Variants in CLTCL1 observed in about 807,000 individuals in gnomAD.
The protein encoded by CLTCL1 is clathrin heavy chain like 1, also known as clathrin heavy chain 2.
In CLTCL1, 159 loss-of-function variants were observed where a neutral mutation model predicts 190.0. The ratio of observed to expected loss-of-function variants is 0.84; its 90% CI spans 0.74 to 0.95. CLTCL1 has a LOEUF of 0.95. CLTCL1 is among the 40% of genes least tolerant of loss of function. The probability of loss-of-function intolerance (pLI) is 0.00; values close to 1 mark genes in which losing one functional copy is unlikely to be tolerated. For synonymous variants in CLTCL1, 752 were observed against 769.6 expected (o/e 0.98, Z 0.38); for missense variants, 1,878 against 2,033.4 (o/e 0.92, Z 1.47).
chr22:19,269,399 A>T (rs1384663092), intron 2 of CLTCL1, among the ~76,000 whole-genome samples: 1 of 152,206 alleles, frequency 6.6e-6, no homozygotes, highest in East Asian at 1.9e-4. Context: ...GTGAGACTCC[A>T]TCTGAAAAAA....
At chr22:19,189,438 A>G (rs1327406523) in intron 27 of CLTCL1, among the ~76,000 whole-genome samples, 1 of 152,220 alleles carries the variant, frequency 6.6e-6, no homozygotes, top group Non-Finnish European at 1.5e-5. Context: ...TTTATGCACT[A>G]TTCTAAATCC....
chr22:19,261,283 T>G (rs2086941837), intron 2 of CLTCL1, among the ~76,000 whole-genome samples: 1 of 152,120 alleles, frequency 6.6e-6, no homozygotes. Flanking sequence ...GCTAATGTCT[T>G]GTATTTTTAA....
At chr22:19,180,984 A>C in intron 30 of CLTCL1, 178 bp from the exon 31 acceptor site, 5 of 607,108 alleles carry the variant, frequency 8.2e-6, no homozygotes, top group Non-Finnish European at 1.5e-5. Context: ...GAATGCAGCA[A>C]GGCATGGAGA....
chr22:19,272,088 G>A (rs1404276502), intron 2 of CLTCL1, among the ~76,000 whole-genome samples: 4 of 152,188 alleles, frequency 2.6e-5, no homozygotes, highest in African/African-American at 4.8e-5. Context: ...CTGCCTGGAT[G>A]ACAGAGAGAG....
At chr22:19,257,210 G>C (rs1349330745) in intron 2 of CLTCL1, among the ~76,000 whole-genome samples, 1 of 152,150 alleles carries the variant, frequency 6.6e-6, no homozygotes, top group South Asian at 2.1e-4. Context: ...CAAAGTTAAA[G>C]TAAGCAAATG....
At chr22:19,180,319 A>C (rs973472074) in intron 31 of CLTCL1, 81 bp from the exon 32 acceptor site, 1 of 1,418,182 alleles carries the variant, frequency 7.1e-7, no homozygotes, top group Non-Finnish European at 9.9e-7. Flanking sequence ...CTGCACACTC[A>C]CACCACACCC....
chr22:19,216,095 C>A lies in CLTCL1; in HGVS notation c.3065+16G>T. On this transcript the variant is annotated intron_variant, in intron 19 of 32. Coordinates refer to ENST00000427926, the MANE Select transcript of CLTCL1 (RefSeq NM_007098.4). ...GAATCTGCCTGTGTCCACAGCTACC[C>A]CTGGCATAGCCTCACCTGTGCTCGC... 6.2e-7 allele frequency: 1 copy of A among 1,612,170 alleles called. No homozygotes were observed. The highest frequency in any genetic ancestry group is 8.5e-7 in the Non-Finnish European group (1 of 1,178,850).
At chr22:19,183,364 G>A (rs1342983523) in intron 30 of CLTCL1, 26 bp downstream of exon 30, 1 of 1,597,448 alleles carries the variant, frequency 6.3e-7, no homozygotes, top group Non-Finnish European at 8.6e-7. Context: ...CAGGGGCCGG[G>A]GAGCTGCAGC....
At chr22:19,202,783 T>A (rs1275849329) in intron 22 of CLTCL1, among the ~76,000 whole-genome samples, 2 of 152,192 alleles carry the variant, frequency 1.3e-5, no homozygotes, top group South Asian at 2.1e-4. Context: ...TTCCTCAAGC[T>A]GAGTATTTGG....
intron 5 of CLTCL1, among the ~76,000 whole-genome samples, chr22:19,236,452 C>T (rs962681562): frequency 1.3e-5 from 2 of 152,152 alleles, no homozygotes; most frequent in Non-Finnish European, 2.9e-5. Context: ...TTGCCAAATG[C>T]TATTAACTTT....
intron 1 of CLTCL1, among the ~76,000 whole-genome samples, chr22:19,276,453 T>C (rs2087506928): frequency 6.6e-6 from 1 of 152,196 alleles, no homozygotes; most frequent in South Asian, 2.1e-4. Flanking sequence ...CTGCTACTAC[T>C]GTGTAAACTG....
chr22:19,250,134 G>A (rs1178918722), intron 3 of CLTCL1, among the ~76,000 whole-genome samples: 1 of 151,808 alleles, frequency 6.6e-6, no homozygotes, highest in Non-Finnish European at 1.5e-5. Flanking sequence ...CACACCTGTA[G>A]TCCCAGCTAC....
At chr22:19,192,499 G>T (rs1213853341) in intron 26 of CLTCL1, among the ~76,000 whole-genome samples, 1 of 152,176 alleles carries the variant, frequency 6.6e-6, no homozygotes, top group Non-Finnish European at 1.5e-5. Flanking sequence ...CGTGAGTGTG[G>T]GGGTCCCGGG....
chr22:19,242,706 A>G, intron 4 of CLTCL1, 69 bp downstream of exon 4: 1 of 1,559,828 alleles, frequency 6.4e-7, no homozygotes, highest in Non-Finnish European at 8.8e-7. Context: ...GCCCAGCCAC[A>G]CACACGCACA....
intron 1 of CLTCL1, among the ~76,000 whole-genome samples, chr22:19,290,127 A>G (rs1162795922): frequency 6.6e-6 from 1 of 152,218 alleles, no homozygotes; most frequent in African/African-American, 2.4e-5. Flanking sequence ...CCTGATGGAC[A>G]TTAGAAACTC....
chr22:19,272,901 C>T (rs2087370309), intron 2 of CLTCL1, among the ~76,000 whole-genome samples: 2 of 152,172 alleles, frequency 1.3e-5, no homozygotes, highest in South Asian at 4.1e-4. Flanking sequence ...GCCTTGGCCT[C>T]CCAAAGCACT....
chr22:19,217,853 G>GAAAAAA, intron 18 of CLTCL1, among the ~76,000 whole-genome samples: 1 of 81,402 alleles, frequency 1.2e-5, no homozygotes, highest in Admixed American at 1.3e-4. Context: ...CTCAAAAAGA[G>GAAAAAA]AAAAAAAAAA....
Position 19,239,270 on chromosome 22 carries a change from C to G in CLTCL1, c.795+5G>C. ...GAAGATGTTTAGAGAGCAGCACATT[C>G]GTACCTGCATAGCCACTGGAAAATC... On this transcript the variant is annotated splice_donor_5th_base_variant and intron_variant, in intron 5 of 32. Transcript: ENST00000427926. 6.3e-7 allele frequency: 1 copy of G among 1,593,160 alleles called. No individual in the cohort carries two copies. Among genetic ancestry groups the G allele is most frequent in the Non-Finnish European group, 8.6e-7 (1 of 1,160,910 alleles).
intron 18 of CLTCL1, among the ~76,000 whole-genome samples, chr22:19,218,829 A>G (rs2145734868): frequency 6.6e-6 from 1 of 152,336 alleles, no homozygotes; most frequent in Non-Finnish European, 1.5e-5. Context: ...GGCCATACCC[A>G]ATAATGACCC....
Sources: gnomAD v4.1 joint callset for allele counts (sites outside exome capture counted in the v4.1 genomes callset) on GRCh38, gnomAD v4.1.1 for gene constraint, MANE v1.5 for transcripts, NCBI Gene and HGNC (gene_info 2026-07-23, HGNC 2026-07-21) for gene names.